The following SSBP2 variants were observed in gnomAD, a reference collection of about 807,000 sequenced individuals.
SSBP2 encodes single-stranded DNA-binding protein 2.
Under a neutral mutation model 61.8 loss-of-function variants are expected in SSBP2, and 17 were observed. The ratio of observed to expected loss-of-function variants is 0.28; its 90% CI spans 0.19 to 0.41. The LOEUF (loss-of-function observed/expected upper bound fraction) is 0.41. SSBP2 is among the 10% of genes least tolerant of loss of function. SSBP2 has a pLI of 1.00. For synonymous variants in SSBP2, 139 were observed against 141.3 expected (o/e 0.98, Z 0.12); for missense variants, 310 against 458.7 (o/e 0.68, Z 2.96).
At chr5:81,428,498 A>T in intron 16 of SSBP2, 87 bp downstream of exon 16, 1 of 888,670 alleles carries the variant, frequency 1.1e-6, no homozygotes, top group Non-Finnish European at 1.8e-6. Context: ...CTAGATAAAC[A>T]GCAGTAAAAG....
intron 1 of SSBP2, among the ~76,000 whole-genome samples, chr5:81,661,976 TTA>T (rs760506191): frequency 5.9e-5 from 9 of 152,228 alleles, no homozygotes; most frequent in Non-Finnish European, 1.2e-4. Context: ...GTTTCAAGTC[TTA>T]TGTTTAAGTC....
intron 3 of SSBP2, chr5:81,616,505 G>C (rs1445139306): frequency 7.3e-5 from 11 of 149,972 alleles, no homozygotes; most frequent in Middle Eastern, 3.4e-3. Context: ...CAAACTGCAA[G>C]GCGGCAGCGA....
chr5:81,480,698 GC>G (rs1765923495), intron 6 of SSBP2, among the ~76,000 whole-genome samples: 1 of 152,198 alleles, frequency 6.6e-6, no homozygotes, highest in South Asian at 2.1e-4. Flanking sequence ...GAGCCACTGT[GC>G]CCAGCCAGCT....
chr5:81,632,912 A>G (rs1747859861), intron 3 of SSBP2, among the ~76,000 whole-genome samples: 1 of 152,054 alleles, frequency 6.6e-6, no homozygotes, highest in African/African-American at 2.4e-5. Context: ...TTCCTAGCCC[A>G]TTACTCAGCT....
At chr5:81,747,733 T>C (rs1449862327) in intron 1 of SSBP2, among the ~76,000 whole-genome samples, 2 of 152,152 alleles carry the variant, frequency 1.3e-5, no homozygotes, top group African/African-American at 2.4e-5. Context: ...GAGAAGAAAT[T>C]AGATTATCTC....
At chr5:81,607,720 A>T (rs1343990867) in intron 4 of SSBP2, among the ~76,000 whole-genome samples, 1 of 152,174 alleles carries the variant, frequency 6.6e-6, no homozygotes, top group African/African-American at 2.4e-5. Context: ...ACTTTCTAAA[A>T]TGAAATTGTG....
chr5:81,542,947 C>T (rs184728172), intron 4 of SSBP2, among the ~76,000 whole-genome samples: 1,834 of 151,854 alleles, frequency 0.012, 36 homozygotes, highest in African/African-American at 0.042. Flanking sequence ...CTCTGCCTCC[C>T]GGGCTGAAGC....
chr5:81,647,667 C>T (rs148176190), intron 2 of SSBP2, among the ~76,000 whole-genome samples: 23 of 151,900 alleles, frequency 1.5e-4, no homozygotes, highest in Admixed American at 7.2e-4. Flanking sequence ...TTTGACGTCT[C>T]GTGTGAAAGT....
intron 4 of SSBP2, among the ~76,000 whole-genome samples, chr5:81,535,848 A>C (rs1770762137): frequency 6.6e-6 from 1 of 152,094 alleles, no homozygotes; most frequent in Non-Finnish European, 1.5e-5. Flanking sequence ...ATGACCTTTA[A>C]GATACAATAC....
intron 5 of SSBP2, among the ~76,000 whole-genome samples, chr5:81,493,903 A>G (rs1366719176): frequency 6.6e-6 from 1 of 152,180 alleles, no homozygotes; most frequent in African/African-American, 2.4e-5. Flanking sequence ...CTGCTCATCA[A>G]ATATTTATTA....
At chr5:81,671,978 A>G (rs1441991759) in intron 1 of SSBP2, among the ~76,000 whole-genome samples, 1 of 152,188 alleles carries the variant, frequency 6.6e-6, no homozygotes, top group African/African-American at 2.4e-5. Flanking sequence ...CCAAAATAAA[A>G]TTCTCTATGT....
intron 4 of SSBP2, among the ~76,000 whole-genome samples, chr5:81,597,898 C>A (rs1314652047): frequency 1.3e-5 from 2 of 151,034 alleles, no homozygotes; most frequent in South Asian, 4.2e-4. Context: ...AGGAGGTATA[C>A]CTAATGCAAA....
At chr5:81,578,107 A>G (rs776264348) in intron 4 of SSBP2, among the ~76,000 whole-genome samples, 2 of 152,080 alleles carry the variant, frequency 1.3e-5, no homozygotes, top group Non-Finnish European at 1.5e-5. Flanking sequence ...GCACACTCAC[A>G]AACTTTAAAA....
chr5:81,526,808 C>T (rs1208583367), intron 4 of SSBP2, among the ~76,000 whole-genome samples: 1 of 151,858 alleles, frequency 6.6e-6, no homozygotes, highest in East Asian at 1.9e-4. Flanking sequence ...AAGACAATGA[C>T]ATATATATTT....
At chr5:81,662,747 G>A (rs946699956) in intron 1 of SSBP2, among the ~76,000 whole-genome samples, 46 of 152,052 alleles carry the variant, frequency 3.0e-4, no homozygotes, top group African/African-American at 1.1e-3. Context: ...GTTGCAGCAA[G>A]CCAAGATCGA....
In SSBP2 at chr5:81,414,901, T is replaced by A. The variant is rs1010190720; in HGVS notation, c.*5603A>T. 4.5e-4 allele frequency: 69 copies of A among 152,236 alleles called. No individual in the cohort carries two copies. Among genetic ancestry groups the A allele is most frequent in the Admixed American group, 2.9e-3 (45 of 15,282 alleles). The allele number at this position is 152,236 out of a possible 1,614,324, so 9.4% of individuals were successfully genotyped here. On this transcript the variant is annotated 3_prime_UTR_variant, in exon 17 of 17. Transcript: ENST00000320672. ...TGTGAATCACAGTGGGAGTGTTTTGTGAGCAAACTTCATATTACTATTCCC... is the reference window on the plus strand; with the variant it reads ...TGTGAATCACAGTGGGAGTGTTTTGAGAGCAAACTTCATATTACTATTCCC...
At chr5:81,573,215 C>T (rs991045859) in intron 4 of SSBP2, among the ~76,000 whole-genome samples, 2 of 150,498 alleles carry the variant, frequency 1.3e-5, no homozygotes, top group Non-Finnish European at 2.9e-5. Flanking sequence ...TAAACTGAGA[C>T]AGTTTCAGAA....
intron 3 of SSBP2, among the ~76,000 whole-genome samples, chr5:81,635,102 A>C (rs1440423155): frequency 6.6e-6 from 1 of 152,230 alleles, no homozygotes; most frequent in Admixed American, 6.5e-5. Flanking sequence ...TAAACCTTCT[A>C]GGTTTGCATG....
chr5:81,574,098 G>A (rs762833820), intron 4 of SSBP2, among the ~76,000 whole-genome samples: 40 of 151,938 alleles, frequency 2.6e-4, no homozygotes, highest in Non-Finnish European at 4.9e-4. Context: ...CCGAGATCGC[G>A]CCACTGCACT....
Sources: allele counts gnomAD v4.1 joint callset (sites outside exome capture counted in the v4.1 genomes callset), GRCh38; gene constraint gnomAD v4.1.1; transcripts MANE v1.5; gene names NCBI Gene and HGNC (gene_info 2026-07-23, HGNC 2026-07-21).